Variants in LRRC7 observed in about 807,000 individuals in gnomAD.
The protein encoded by LRRC7 is leucine-rich repeat-containing protein 7.
Under a neutral mutation model 175.7 loss-of-function variants are expected in LRRC7, and 23 were observed. The observed-to-expected ratio is 0.13, with a 90% CI of 0.09 to 0.19. The LOEUF is 0.19. LRRC7 is among the 10% of genes least tolerant of loss of function. LRRC7 has a pLI of 1.00. For synonymous variants in LRRC7, 685 were observed against 680.9 expected, an observed-to-expected ratio of 1.01 and a Z score of -0.09; for missense variants, 1,354 against 1,904.7, an observed-to-expected ratio of 0.71 and a Z score of 5.38.
chr1:69,640,322 T>C (rs1353377822), intron 1 of LRRC7, among the ~76,000 whole-genome samples: 1 of 151,756 alleles, frequency 6.6e-6, no homozygotes, highest in Non-Finnish European at 1.5e-5. Flanking sequence ...CTTGAGGATG[T>C]AATCCATGAT....
intron 4 of LRRC7, among the ~76,000 whole-genome samples, chr1:69,823,370 C>G (rs1325792906): frequency 6.6e-6 from 1 of 152,096 alleles, no homozygotes; most frequent in African/African-American, 2.4e-5. Flanking sequence ...TCACATTTAT[C>G]TTTTGATTCT....
At chr1:69,721,074 A>T (rs1378096409) in intron 2 of LRRC7, among the ~76,000 whole-genome samples, 1 of 151,818 alleles carries the variant, frequency 6.6e-6, no homozygotes, top group African/African-American at 2.4e-5. Context: ...TTATTTTTAC[A>T]GCAGTGTTAG....
chr1:69,813,770 A>C (rs1678248720), intron 4 of LRRC7, among the ~76,000 whole-genome samples: 1 of 152,102 alleles, frequency 6.6e-6, no homozygotes, highest in Non-Finnish European at 1.5e-5. Flanking sequence ...TTCCCTTAGA[A>C]GAGAGTTCAT....
chr1:69,966,149 C>T (rs1651645414), intron 8 of LRRC7, among the ~76,000 whole-genome samples: 1 of 152,022 alleles, frequency 6.6e-6, no homozygotes, highest in African/African-American at 2.4e-5. Flanking sequence ...AATAAAATAT[C>T]ATAATTATGT....
At chr1:69,750,512 G>A (rs1669749912) in intron 2 of LRRC7, among the ~76,000 whole-genome samples, 1 of 152,136 alleles carries the variant, frequency 6.6e-6, no homozygotes, top group South Asian at 2.1e-4. Flanking sequence ...AAAGATAAAT[G>A]TAGTTTTTTA....
At chr1:69,916,866 T>C (rs955540480) in intron 7 of LRRC7, among the ~76,000 whole-genome samples, 1 of 152,128 alleles carries the variant, frequency 6.6e-6, no homozygotes, top group Admixed American at 6.6e-5. Flanking sequence ...GTGGTGTTAA[T>C]AAGAAAATAA....
intron 2 of LRRC7, among the ~76,000 whole-genome samples, chr1:69,753,128 C>T (rs1670019863): frequency 6.6e-6 from 1 of 152,050 alleles, no homozygotes; most frequent in South Asian, 2.1e-4. Context: ...GTGTATTATG[C>T]TCAACTCAGT....
chr1:70,036,453 A>C lies in LRRC7; in HGVS notation c.2117A>C (p.Asp706Ala), dbSNP rs1274458679. The C allele has an allele frequency of 6.2e-7, 1 of 1,609,096 alleles. No individual in the cohort carries two copies. The highest frequency in any genetic ancestry group is 8.5e-7 in the Non-Finnish European group (1 of 1,178,326). The change falls in exon 20 of 27, where the codon GAT (aspartate) becomes GCT (alanine). Residue 706 changes from aspartate (D) to alanine (A), a missense_variant. Transcript: ENST00000651989. ...LLGKDKKEST[D>A]ESEVDKTHCL... is the part of the protein sequence containing the mutation. ...CCCCTTTAAATTTCAGAATCAACTGATGAGTCTGAAGTTGACAAAACTCAC... is the reference window on the plus strand; with the variant it reads ...CCCCTTTAAATTTCAGAATCAACTGCTGAGTCTGAAGTTGACAAAACTCAC...
At chr1:69,747,908 A>G (rs1324472739) in intron 2 of LRRC7, among the ~76,000 whole-genome samples, 1 of 152,164 alleles carries the variant, frequency 6.6e-6, no homozygotes. Flanking sequence ...AAATCTGTGA[A>G]TGCATTCACA....
At chr1:69,863,432 T>C (rs1684575270) in intron 7 of LRRC7, among the ~76,000 whole-genome samples, 1 of 152,248 alleles carries the variant, frequency 6.6e-6, no homozygotes, top group African/African-American at 2.4e-5. Flanking sequence ...TATCTCTGTA[T>C]CCTTATTGCC....
At chr1:69,713,739 C>T (rs2100743476) in intron 2 of LRRC7, among the ~76,000 whole-genome samples, 1 of 151,314 alleles carries the variant, frequency 6.6e-6, no homozygotes, top group East Asian at 1.9e-4. Context: ...GAGTTGGAAT[C>T]TGCATGGCAT....
At chr1:69,608,860 CTCTCTCTATATATATATA>C (rs1332109015) in intron 1 of LRRC7, among the ~76,000 whole-genome samples, 53 of 23,438 alleles carry the variant, frequency 2.3e-3, no homozygotes, top group East Asian at 9.7e-3. Context: ...CTCTCTCTCT[CTCTCTCTATATATATATA>C]TATATATATA....
intron 7 of LRRC7, among the ~76,000 whole-genome samples, chr1:69,903,499 T>G (rs1231505867): frequency 6.6e-6 from 1 of 152,134 alleles, no homozygotes; most frequent in Admixed American, 6.5e-5. Flanking sequence ...GTAGATTCCA[T>G]CAGGTGCCTA....
intron 1 of LRRC7, among the ~76,000 whole-genome samples, chr1:69,629,982 G>C (rs986535576): frequency 6.6e-6 from 1 of 151,948 alleles, no homozygotes; most frequent in Non-Finnish European, 1.5e-5. Flanking sequence ...TCAATTTCTT[G>C]TCACCAAATA....
chr1:70,035,981 G>A (rs1158724046), intron 18 of LRRC7, 140 bp from the exon 19 acceptor site: 7 of 590,544 alleles, frequency 1.2e-5, no homozygotes, highest in Non-Finnish European at 2.0e-5. Flanking sequence ...GATACATATG[G>A]TTTATTTCTC....
At position 69,845,096 on chromosome 1, in the gene LRRC7, A is replaced by T. The variant is rs531655765; in HGVS notation, c.647+6813A>T. 2.8e-3 allele frequency among the ~76,000 whole-genome samples: 419 copies of T among 152,104 alleles called. 4 individuals are homozygous for T. The highest frequency in any genetic ancestry group is 9.3e-3 in the African/African-American group (388 of 41,502). On this transcript the variant is annotated intron_variant, in intron 7 of 26. Coordinates refer to ENST00000651989, the MANE Select transcript of LRRC7 (RefSeq NM_001370785.2). The stretch of plus-strand genomic sequence containing the variant: ...GAGGCCCTGTCTCTACAAAAATTTT[A>T]AAAAAGTAGCTAGGATTGGTGGTGT...
chr1:69,925,012 G>A (rs1330594197), intron 7 of LRRC7, among the ~76,000 whole-genome samples: 1 of 152,058 alleles, frequency 6.6e-6, no homozygotes, highest in Non-Finnish European at 1.5e-5. Flanking sequence ...AGCATGAAGG[G>A]TTGTTGAATT....
At chr1:69,814,176 G>A (rs1217817858) in intron 4 of LRRC7, among the ~76,000 whole-genome samples, 2 of 151,822 alleles carry the variant, frequency 1.3e-5, no homozygotes, top group Non-Finnish European at 2.9e-5. Flanking sequence ...TTGCATAATG[G>A]GTTAAAAAAG....
chr1:70,056,944 G>A (rs1364262853), intron 23 of LRRC7, among the ~76,000 whole-genome samples: 2 of 152,126 alleles, frequency 1.3e-5, no homozygotes, highest in African/African-American at 4.8e-5. Context: ...AGGCTCCTTG[G>A]ATTTAGCAAC....
Sources: allele counts gnomAD v4.1 joint callset (sites outside exome capture counted in the v4.1 genomes callset), GRCh38; gene constraint gnomAD v4.1.1; transcripts MANE v1.5; gene names NCBI Gene and HGNC (gene_info 2026-07-23, HGNC 2026-07-21).